The following TUBGCP5 variants were observed in gnomAD, a reference collection of about 807,000 sequenced individuals.
TUBGCP5 encodes tubulin gamma complex component 5, also known as gamma-tubulin complex component 5.
TUBGCP5 carries 98 observed loss-of-function variants against 134.7 expected under a neutral mutation model. The ratio of observed to expected loss-of-function variants is 0.73; its 90% CI spans 0.62 to 0.86. TUBGCP5 has a LOEUF of 0.86. Ranked by LOEUF, TUBGCP5 falls within the 40% of genes least tolerant of loss-of-function variation. The pLI is 0.00. For synonymous variants in TUBGCP5, 456 were observed against 431.4 expected (o/e 1.06, Z -0.71); for missense variants, 1,150 against 1,244.8 (o/e 0.92, Z 1.15).
intron 11 of TUBGCP5, among the ~76,000 whole-genome samples, chr15:23,020,280 G>A (rs192608957): frequency 1.6e-4 from 24 of 152,146 alleles, no homozygotes; most frequent in African/African-American, 3.6e-4. Flanking sequence ...GGTGGTGGGC[G>A]CCTGTAATCC....
intron 3 of TUBGCP5, 62 bp from the exon 4 acceptor site, chr15:23,032,886 G>T: frequency 8.0e-7 from 1 of 1,251,798 alleles, no homozygotes; most frequent in Non-Finnish European, 1.1e-6. Context: ...ACACCAGATT[G>T]AGTAAAGATA....
intron 16 of TUBGCP5, 138 bp downstream of exon 16, chr15:23,008,561 A>G (rs1385392705): frequency 8.5e-7 from 1 of 1,171,482 alleles, no homozygotes; most frequent in Non-Finnish European, 1.2e-6. Context: ...CCTGGCCTCC[A>G]TTTTCTAATA....
At chr15:22,988,542 G>T (rs571732358) in intron 23 of TUBGCP5, among the ~76,000 whole-genome samples, 16 of 151,054 alleles carry the variant, frequency 1.1e-4, no homozygotes, top group African/African-American at 3.4e-4. Flanking sequence ...GACCATCCTG[G>T]CTAACACAGT....
chr15:23,017,126 T>C (rs11858194), intron 13 of TUBGCP5, among the ~76,000 whole-genome samples: 6,838 of 151,474 alleles, frequency 0.045, 408 homozygotes, highest in African/African-American at 0.14. Flanking sequence ...TAAAAAATGT[T>C]GATCTCGTAT....
intron 13 of TUBGCP5, 86 bp downstream of exon 13, chr15:23,017,687 C>T (rs1192716953): frequency 1.4e-5 from 19 of 1,363,360 alleles, no homozygotes; most frequent in Non-Finnish European, 1.6e-5. Context: ...TTGCAAACTA[C>T]AAAATAATTA....
At chr15:23,027,345 A>G in intron 6 of TUBGCP5, 39 bp from the exon 7 acceptor site, 1 of 1,534,840 alleles carries the variant, frequency 6.5e-7, no homozygotes, top group Non-Finnish European at 9.0e-7. Flanking sequence ...GTTAACAACA[A>G]CAAAATACTG....
chr15:23,000,248 T>C, intron 22 of TUBGCP5: 1 of 1,225,530 alleles, frequency 8.2e-7, no homozygotes, highest in Non-Finnish European at 1.0e-6. Flanking sequence ...AAAGACTAGA[T>C]TTTGAAAAGA....
intron 10 of TUBGCP5, chr15:23,023,662 G>A (rs187385365): frequency 2.3e-4 from 71 of 308,062 alleles, no homozygotes; most frequent in African/African-American, 1.1e-3. Flanking sequence ...GGAAGGATGC[G>A]TAAGAAGCCA....
At chr15:23,026,671 G>A (rs1206966795) in intron 7 of TUBGCP5, among the ~76,000 whole-genome samples, 1 of 152,100 alleles carries the variant, frequency 6.6e-6, no homozygotes, top group Non-Finnish European at 1.5e-5. Context: ...GCTGGCTCAC[G>A]CCTGTAATTC....
In TUBGCP5 at chr15:23,039,521, C is replaced by T; in HGVS notation, c.23G>A (p.Trp8Ter). 6.7e-7 allele frequency: 1 copy of T among 1,493,394 alleles called. No homozygotes were observed. Among genetic ancestry groups the T allele is most frequent in the South Asian group, 1.3e-5 (1 of 78,238 alleles). 92.5% of individuals were successfully genotyped at this position (1,493,394 alleles called of 1,614,324 possible). MARHGPPWSRLDAQQERD... is the reference protein window; with the variant it reads MARHGPP Reference sequence around the variant, plus strand: ...CTCCTGCTGCGCGTCCAACCGACTCCACGGTGGCCCGTGCCGCGCCATGTT... The same window carrying T: ...CTCCTGCTGCGCGTCCAACCGACTCTACGGTGGCCCGTGCCGCGCCATGTT... Residue 8 changes from tryptophan to a stop codon, truncating the protein, a stop_gained, in exon 1 of 23, where the codon TGG (tryptophan) becomes TAG (stop). Transcript: ENST00000615383. LOFTEE classifies it high-confidence loss of function.
At chr15:23,009,370 G>A (rs948035161) in intron 15 of TUBGCP5, among the ~76,000 whole-genome samples, 2 of 151,562 alleles carry the variant, frequency 1.3e-5, no homozygotes, top group African/African-American at 4.9e-5. Flanking sequence ...CTGGGTTCAC[G>A]CCATTCTCCT....
chr15:23,034,741 C>G (rs1233112623), intron 3 of TUBGCP5, among the ~76,000 whole-genome samples: 1 of 151,964 alleles, frequency 6.6e-6, no homozygotes, highest in Non-Finnish European at 1.5e-5. Flanking sequence ...CGCTTGTAAT[C>G]CCAGTTACTT....
At position 23,021,869 on chromosome 15, in the gene TUBGCP5, C is replaced by G. The variant is rs748899818; in HGVS notation, c.1371+90G>C. ...CTGAACTGTCTGACGAGTCATCATT[C>G]AAGTATCAACAAAGAACTACCATCA... is the stretch of plus-strand genomic sequence containing the variant. On this transcript the variant is annotated intron_variant, in intron 11 of 22. Transcript: ENST00000615383. 72 of 1,324,634 alleles carry G rather than the reference C, an allele frequency of 5.4e-5. 1 individual carries two copies. The Admixed American group carries it at 1.2e-3, about 23-fold the overall frequency. 82.1% of individuals were successfully genotyped at this position (1,324,634 alleles called of 1,614,324 possible).
Position 23,011,070 on chromosome 15 carries a change from GT to G in TUBGCP5, c.1955+62del. On this transcript the variant is annotated intron_variant, in intron 14 of 22. Coordinates refer to ENST00000615383, the MANE Select transcript of TUBGCP5 (RefSeq NM_052903.6). ...TAGCCCTACCTGCCAGAAATAAACA[GT>G]TAGCAAACATTGCACAAATGATGCC... The G allele has an allele frequency of 5.2e-6, 8 of 1,542,914 alleles. No homozygotes were observed. In the Middle Eastern group the frequency reaches 5.3e-4, roughly 102 times the overall value.
intron 23 of TUBGCP5, among the ~76,000 whole-genome samples, chr15:22,989,471 ACC>A (rs554886882): frequency 0.024 from 2,864 of 120,984 alleles, 83 homozygotes; most frequent in African/African-American, 0.07. Context: ...ACCACAACCC[ACC>A]CCCTGTTAAC....
chr15:22,989,425 G>A (rs549119618), intron 23 of TUBGCP5, among the ~76,000 whole-genome samples: 16 of 152,080 alleles, frequency 1.1e-4, no homozygotes, highest in Non-Finnish European at 1.5e-4. Context: ...TAGAACAGCT[G>A]GGACAGCCTC....
At chr15:22,986,265 A>G (rs2063679273) in intron 23 of TUBGCP5, among the ~76,000 whole-genome samples, 1 of 152,114 alleles carries the variant, frequency 6.6e-6, no homozygotes, top group Non-Finnish European at 1.5e-5. Context: ...TATGGAAAAC[A>G]ATATGATGAA....
intron 23 of TUBGCP5, among the ~76,000 whole-genome samples, chr15:22,986,539 C>A (rs562748049): frequency 1.1e-4 from 16 of 151,900 alleles, no homozygotes; most frequent in Non-Finnish European, 2.2e-4. Flanking sequence ...GAGTTCGAGA[C>A]CAGCCTGACC....
chr15:23,022,566 C>T (rs1256953990), intron 10 of TUBGCP5, among the ~76,000 whole-genome samples: 3 of 152,232 alleles, frequency 2.0e-5, no homozygotes, highest in Non-Finnish European at 4.4e-5. Context: ...AAGCAAGCTC[C>T]TGGGAGGCGA....
Sources: allele counts gnomAD v4.1 joint callset (sites outside exome capture counted in the v4.1 genomes callset), GRCh38; gene constraint gnomAD v4.1.1; transcripts MANE v1.5; gene names NCBI Gene and HGNC (gene_info 2026-07-23, HGNC 2026-07-21).